Variants in RNF4 observed in about 807,000 individuals in gnomAD.
The protein encoded by RNF4 is E3 ubiquitin-protein ligase RNF4.
A neutral mutation model predicts 24.3 loss-of-function variants in RNF4; 7 were observed. The observed-to-expected ratio is 0.29, with a 90% CI of 0.16 to 0.54. RNF4 has a LOEUF of 0.54. RNF4 is among the 20% of genes least tolerant of loss of function. RNF4 has a pLI of 0.95. For missense variants in RNF4, 209 were observed against 248.5 expected (o/e 0.84, Z 1.07); for synonymous variants, 83 against 84.3 (o/e 0.98, Z 0.09).
Position 2,500,953 on chromosome 4 carries a change from T to C in RNF4, c.204+215T>C, listed in dbSNP as rs551730955. On this transcript the variant is annotated intron_variant, in intron 4 of 7. Coordinates refer to ENST00000314289, the MANE Select transcript of RNF4 (RefSeq NM_002938.5). Reference sequence around the variant, plus strand: ...TGCATTCAGTGACGAGAGCCCAAAATGAAAAATGTTTCTGGAAAATCATTT... The same window carrying C: ...TGCATTCAGTGACGAGAGCCCAAAACGAAAAATGTTTCTGGAAAATCATTT... Among the ~76,000 whole-genome samples, 38 of 152,350 alleles carry C rather than the reference T, an allele frequency of 2.5e-4. 1 individual carries two copies. In the South Asian group the frequency reaches 7.7e-3, roughly 31 times the overall value.
chr4:2,499,343 G>A (rs753957643), intron 3 of RNF4: 1 of 446,832 alleles, frequency 2.2e-6, no homozygotes, highest in African/African-American at 2.0e-5. Flanking sequence ...CCAGGCTGGG[G>A]TGCAGTGGCG....
chr4:2,473,478 T>C (rs1023886500), intron 1 of RNF4, among the ~76,000 whole-genome samples: 1 of 151,842 alleles, frequency 6.6e-6, no homozygotes, highest in African/African-American at 2.4e-5. Flanking sequence ...ATGGAAAAAG[T>C]AACTGTAGAT....
intron 2 of RNF4, among the ~76,000 whole-genome samples, chr4:2,492,196 T>C (rs1386358453): frequency 6.8e-6 from 1 of 146,416 alleles, no homozygotes; most frequent in Non-Finnish European, 1.5e-5. Flanking sequence ...AGACTCCATC[T>C]CAAAAAAAAA....
intron 1 of RNF4, among the ~76,000 whole-genome samples, chr4:2,482,201 T>C (rs1735264532): frequency 6.6e-6 from 1 of 152,216 alleles, no homozygotes; most frequent in African/African-American, 2.4e-5. Flanking sequence ...AGAATTCCCA[T>C]TGTGGGGCAC....
At chr4:2,495,412 T>C (rs909571335) in intron 2 of RNF4, among the ~76,000 whole-genome samples, 11 of 152,154 alleles carry the variant, frequency 7.2e-5, no homozygotes, top group East Asian at 3.9e-4. Context: ...ATTGGGATAG[T>C]AGTAGCATCT....
In RNF4 at chr4:2,472,268, A is replaced by C. The variant is rs150489185; in HGVS notation, c.-158+3010A>C. ...AGCATATCTGTTTACAGTATGTTTT[A>C]CTGAATATTTTAAGCCCACTATTGA... On this transcript the variant is annotated intron_variant, in intron 1 of 7. Coordinates refer to ENST00000314289, the MANE Select transcript of RNF4 (RefSeq NM_002938.5). Among the ~76,000 whole-genome samples, 8 of 152,328 alleles carry C rather than the reference A, an allele frequency of 5.3e-5. No individual in the cohort carries two copies. In the East Asian group the frequency reaches 1.3e-3, roughly 26 times the overall value.
Position 2,497,109 on chromosome 4 carries a change from C to A in RNF4, c.112C>A (p.Leu38Ile). The change falls in exon 3 of 8, where the codon CTC (leucine) becomes ATC (isoleucine). Residue 38 changes from leucine to isoleucine, a missense_variant. Physicochemically the swap from Leu to Ile is conservative, Grantham distance 5. Transcript: ENST00000314289. ...EISLEAEPIE[L>I]VETAGDEIVD... Reference sequence around the variant, plus strand: ...CTCCTTGGAAGCAGAACCCATAGAACTCGTGGAAACTGGTAAGATTGCCAG... The same window carrying A: ...CTCCTTGGAAGCAGAACCCATAGAAATCGTGGAAACTGGTAAGATTGCCAG... The A allele has an allele frequency of 1.9e-6, 3 of 1,605,838 alleles. No homozygotes were observed. The highest frequency in any genetic ancestry group is 2.6e-6 in the Non-Finnish European group (3 of 1,176,212).
chr4:2,481,470 T>C (rs1356805612), intron 1 of RNF4, among the ~76,000 whole-genome samples: 2 of 152,196 alleles, frequency 1.3e-5, no homozygotes, highest in Non-Finnish European at 2.9e-5. Flanking sequence ...TGGTATGATA[T>C]AAAGACTTTG....
At chr4:2,488,128 T>G (rs1735467989) in intron 1 of RNF4, among the ~76,000 whole-genome samples, 1 of 152,182 alleles carries the variant, frequency 6.6e-6, no homozygotes, top group Non-Finnish European at 1.5e-5. Flanking sequence ...GGGCAGGGGC[T>G]GTACTGTGAA....
At chr4:2,508,592 T>TTGTTTTG (rs1413647693) in intron 4 of RNF4, among the ~76,000 whole-genome samples, 2 of 152,088 alleles carry the variant, frequency 1.3e-5, no homozygotes, top group Non-Finnish European at 2.9e-5. Flanking sequence ...TTGTTTTGTT[T>TTGTTTTG]TGTTTTGTTT....
chr4:2,499,885 G>A (rs968427861), intron 3 of RNF4, among the ~76,000 whole-genome samples: 4 of 152,118 alleles, frequency 2.6e-5, no homozygotes, highest in East Asian at 1.9e-4. Flanking sequence ...GGCCGGGCAC[G>A]GTGGCTCACG....
At chr4:2,473,527 G>T (rs990602088) in intron 1 of RNF4, among the ~76,000 whole-genome samples, 1 of 151,630 alleles carries the variant, frequency 6.6e-6, no homozygotes, top group African/African-American at 2.4e-5. Context: ...TAGAAGTAGA[G>T]CCTGGCCGGG....
At chr4:2,488,701 A>G (rs944624316) in intron 1 of RNF4, among the ~76,000 whole-genome samples, 2 of 152,200 alleles carry the variant, frequency 1.3e-5, no homozygotes, top group African/African-American at 4.8e-5. Flanking sequence ...CACACCATTA[A>G]GGTAGGTGCA....
intron 6 of RNF4, 25 bp from the exon 7 acceptor site, chr4:2,513,058 C>T (rs1365654699): frequency 6.2e-7 from 1 of 1,612,192 alleles, no homozygotes; most frequent in Non-Finnish European, 8.5e-7. Context: ...GACTGAGAAA[C>T]TAACGTGAAG....
At chr4:2,487,443 A>G (rs930398218) in intron 1 of RNF4, among the ~76,000 whole-genome samples, 1 of 151,814 alleles carries the variant, frequency 6.6e-6, no homozygotes, top group Non-Finnish European at 1.5e-5. Flanking sequence ...ACACCACCAC[A>G]CCCGGCTAAT....
intron 1 of RNF4, among the ~76,000 whole-genome samples, chr4:2,481,677 G>A (rs1267043091): frequency 1.3e-5 from 2 of 151,952 alleles, no homozygotes; most frequent in Admixed American, 1.3e-4. Context: ...TATCTTCCCT[G>A]GGAGCCAGTG....
At chr4:2,478,039 A>G (rs1228352883) in intron 1 of RNF4, among the ~76,000 whole-genome samples, 2 of 152,134 alleles carry the variant, frequency 1.3e-5, no homozygotes, top group South Asian at 2.1e-4. Flanking sequence ...TCTCAGATGG[A>G]GATGAGGAAC....
chr4:2,471,854 GGTTA>G (rs1171933094), intron 1 of RNF4, among the ~76,000 whole-genome samples: 2 of 152,186 alleles, frequency 1.3e-5, no homozygotes, highest in Non-Finnish European at 2.9e-5. Context: ...AACTGGCAGA[GGTTA>G]GTTCATGAGG....
intron 4 of RNF4, among the ~76,000 whole-genome samples, chr4:2,504,313 C>T (rs908902907): frequency 6.6e-6 from 1 of 152,152 alleles, no homozygotes; most frequent in African/African-American, 2.4e-5. Flanking sequence ...CCAGACTTTT[C>T]TAAAGAGGGA....
Sources: gnomAD v4.1 joint callset for allele counts (sites outside exome capture counted in the v4.1 genomes callset) on GRCh38, gnomAD v4.1.1 for gene constraint, MANE v1.5 for transcripts, NCBI Gene and HGNC (gene_info 2026-07-23, HGNC 2026-07-21) for gene names.